Variants in CAV1 observed in about 807,000 individuals in gnomAD.
The protein encoded by CAV1 is caveolin 1, also known as caveolin-1.
Under a neutral mutation model 16.5 loss-of-function variants are expected in CAV1, and 10 were observed. The observed-to-expected ratio is 0.61, with a 90% CI of 0.37 to 1.03. The LOEUF (loss-of-function observed/expected upper bound fraction) is 1.03, where lower values mean the gene tolerates loss of function less well. Ranked by LOEUF, CAV1 falls within the 50% of genes least tolerant of loss-of-function variation. The pLI is 0.01. For missense variants in CAV1, 212 were observed against 232.8 expected, an observed-to-expected ratio of 0.91 and a Z score of 0.58; for synonymous variants, 76 against 85.1, an observed-to-expected ratio of 0.89 and a Z score of 0.59.
chr7:116,527,719 A>T (rs1169866051), intron 2 of CAV1, among the ~76,000 whole-genome samples: 5 of 152,186 alleles, frequency 3.3e-5, no homozygotes. Context: ...ATCTACTCCT[A>T]TACAACCCCC....
At chr7:116,541,998 G>T (rs1383939865) in intron 2 of CAV1, among the ~76,000 whole-genome samples, 1 of 152,152 alleles carries the variant, frequency 6.6e-6, no homozygotes, top group Non-Finnish European at 1.5e-5. Context: ...TTTCCCCTAT[G>T]CCAGCAGGAT....
chr7:116,526,250 C>A, intron 1 of CAV1: 1 of 1,226,496 alleles, frequency 8.2e-7, no homozygotes, highest in Non-Finnish European at 1.0e-6. Flanking sequence ...GCGGGGCCTG[C>A]CCTGACCCCT....
intron 2 of CAV1, 135 bp from the exon 3 acceptor site, chr7:116,558,811 T>G: frequency 1.5e-6 from 1 of 683,422 alleles, no homozygotes; most frequent in South Asian, 1.6e-5. Context: ...CTGATGCTGC[T>G]GGTTGCCTTT....
intron 2 of CAV1, among the ~76,000 whole-genome samples, chr7:116,555,448 AAAGGAAGGAAGG>A (rs113043378): frequency 5.4e-5 from 2 of 37,352 alleles, no homozygotes; most frequent in Non-Finnish European, 1.1e-4. Flanking sequence ...CCAAAAAAAG[AAAGGAAGGAAGG>A]AAGGAAGGAA....
intron 2 of CAV1, among the ~76,000 whole-genome samples, chr7:116,536,820 G>A (rs1436858963): frequency 1.3e-5 from 2 of 151,758 alleles, no homozygotes; most frequent in African/African-American, 2.4e-5. Context: ...TGGCTAACAA[G>A]GTGAAACCCC....
intron 2 of CAV1, among the ~76,000 whole-genome samples, chr7:116,539,095 G>A (rs148367841): frequency 3.3e-5 from 5 of 152,252 alleles, no homozygotes; most frequent in African/African-American, 1.2e-4. Flanking sequence ...CACGGAGCAC[G>A]TCATGAGTCC....
At chr7:116,525,490 G>C in intron 1 of CAV1, 1 of 1,280,414 alleles carries the variant, frequency 7.8e-7, no homozygotes, top group East Asian at 4.3e-5. Context: ...TTATTTACCC[G>C]AGTCCTGGGG....
intron 2 of CAV1, among the ~76,000 whole-genome samples, chr7:116,555,542 G>GAAAGAAAGAA (rs869307797): frequency 1.2e-3 from 14 of 12,146 alleles, no homozygotes; most frequent in Non-Finnish European, 2.3e-3. Flanking sequence ...GAGAGAGAGA[G>GAAAGAAAGAA]AGAAAGAAAG....
intron 2 of CAV1, among the ~76,000 whole-genome samples, chr7:116,530,877 G>A (rs192929849): frequency 5.1e-4 from 77 of 152,206 alleles, no homozygotes; most frequent in African/African-American, 1.5e-3. Context: ...TGAAGGTGAC[G>A]TTTTTGTAAA....
chr7:116,536,314 T>C (rs1793813684), intron 2 of CAV1, among the ~76,000 whole-genome samples: 1 of 152,128 alleles, frequency 6.6e-6, no homozygotes, highest in African/African-American at 2.4e-5. Context: ...CTTCCATGTG[T>C]GATGACCCAA....
chr7:116,526,855 G>C, intron 2 of CAV1, 166 bp downstream of exon 2: 1 of 722,252 alleles, frequency 1.4e-6, no homozygotes. Context: ...GGGAGCTCCC[G>C]CAGTCGGCAG....
chr7:116,544,157 T>C (rs1437776739), intron 2 of CAV1, among the ~76,000 whole-genome samples: 2 of 152,174 alleles, frequency 1.3e-5, no homozygotes, highest in Non-Finnish European at 2.9e-5. Flanking sequence ...TAAGCAAAAA[T>C]TGAATTAATT....
At chr7:116,553,179 A>T (rs999591409) in intron 2 of CAV1, among the ~76,000 whole-genome samples, 1 of 152,316 alleles carries the variant, frequency 6.6e-6, no homozygotes, top group Middle Eastern at 3.4e-3. Context: ...AAAAGATTCT[A>T]TATTTTAAAA....
At chr7:116,558,645 TAAG>T (rs1353126489) in intron 2 of CAV1, among the ~76,000 whole-genome samples, 2 of 151,250 alleles carry the variant, frequency 1.3e-5, no homozygotes, top group African/African-American at 4.9e-5. Flanking sequence ...CCCAGCTACT[TAAG>T]AGGCTGAGGC....
chr7:116,540,961 G>A (rs1793923536), intron 2 of CAV1, among the ~76,000 whole-genome samples: 1 of 152,122 alleles, frequency 6.6e-6, no homozygotes, highest in African/African-American at 2.4e-5. Flanking sequence ...TCCAGGTTGA[G>A]TCACTATTGT....
At chr7:116,535,983 A>C (rs538770179) in intron 2 of CAV1, among the ~76,000 whole-genome samples, 20 of 152,188 alleles carry the variant, frequency 1.3e-4, no homozygotes, top group Non-Finnish European at 2.4e-4. Context: ...AGCTGCATTC[A>C]GTGTATAAAC....
rs1482298111 is a variant in CAV1, at chr7:116,553,709, C to A, written c.196-5237C>A. ...TGAGCACATAAAGTGCTGCTCCAAG[C>A]AAGACCAGCCCTTGTAGAAGGGCAA... On this transcript the variant is annotated intron_variant, in intron 2 of 2. Transcript: ENST00000341049. Among the ~76,000 whole-genome samples, 10 of 152,258 alleles carry A rather than the reference C, an allele frequency of 6.6e-5. No homozygotes were observed. In the East Asian group the frequency reaches 1.7e-3, roughly 27 times the overall value.
At chr7:116,555,602 A>AAGAAAGAGAGAGAGAGAG (rs1562838716) in intron 2 of CAV1, among the ~76,000 whole-genome samples, 4 of 83,756 alleles carry the variant, frequency 4.8e-5, no homozygotes, top group Non-Finnish European at 1.0e-4. Flanking sequence ...GAAAGAAAGA[A>AAGAAAGAGAGAGAGAGAG]AGAGAAAGAA....
At chr7:116,552,716 CT>C (rs1480335855) in intron 2 of CAV1, among the ~76,000 whole-genome samples, 1 of 152,164 alleles carries the variant, frequency 6.6e-6, no homozygotes, top group Non-Finnish European at 1.5e-5. Context: ...GCCTCTGTCT[CT>C]TTTCATAAGG....
Sources: gnomAD v4.1 joint callset for allele counts (sites outside exome capture counted in the v4.1 genomes callset) on GRCh38, gnomAD v4.1.1 for gene constraint, MANE v1.5 for transcripts, NCBI Gene and HGNC (gene_info 2026-07-23, HGNC 2026-07-21) for gene names.